CLSTN2: variants seen among roughly 807,000 people sequenced by gnomAD.
The protein encoded by CLSTN2 is calsyntenin-2.
Under a neutral mutation model 101.2 loss-of-function variants are expected in CLSTN2, and 48 were observed. The observed-to-expected ratio is 0.47, with a 90% CI of 0.38 to 0.60. The LOEUF is 0.60. Ranked by LOEUF, CLSTN2 falls within the 20% of genes least tolerant of loss-of-function variation. The pLI is 0.00. For synonymous variants in CLSTN2, 481 were observed against 463.6 expected, an observed-to-expected ratio of 1.04 and a Z score of -0.48; for missense variants, 1,160 against 1,238.2, an observed-to-expected ratio of 0.94 and a Z score of 0.95.
At chr3:140,428,405 C>T (rs1011220399) in intron 5 of CLSTN2, among the ~76,000 whole-genome samples, 45 of 152,170 alleles carry the variant, frequency 3.0e-4, no homozygotes, top group Non-Finnish European at 2.4e-4. Context: ...ATTTCACTAT[C>T]CCTTTATGCA....
chr3:140,352,082 C>A (rs1229765526), intron 2 of CLSTN2, among the ~76,000 whole-genome samples: 1 of 152,184 alleles, frequency 6.6e-6, no homozygotes, highest in Non-Finnish European at 1.5e-5. Context: ...TTGAGCTAAT[C>A]TTCCTAAACC....
At chr3:140,131,470 T>C (rs1458816513) in intron 1 of CLSTN2, among the ~76,000 whole-genome samples, 1 of 152,212 alleles carries the variant, frequency 6.6e-6, no homozygotes, top group Non-Finnish European at 1.5e-5. Context: ...TCATTTTCTC[T>C]ATCATGACTT....
chr3:140,499,339 T>C (rs1392838200), intron 8 of CLSTN2, among the ~76,000 whole-genome samples: 2 of 152,166 alleles, frequency 1.3e-5, no homozygotes, highest in African/African-American at 4.8e-5. Flanking sequence ...ATAAAAATAA[T>C]CTACCTTTCT....
intron 1 of CLSTN2, among the ~76,000 whole-genome samples, chr3:140,003,908 G>A (rs545282695): frequency 3.9e-5 from 6 of 152,196 alleles, no homozygotes; most frequent in South Asian, 2.1e-4. Context: ...GATTATCCAT[G>A]AGTCCATTTC....
At chr3:140,215,667 G>A (rs1245551862) in intron 2 of CLSTN2, among the ~76,000 whole-genome samples, 1 of 152,176 alleles carries the variant, frequency 6.6e-6, no homozygotes, top group African/African-American at 2.4e-5. Context: ...ATAGTGGAGA[G>A]AGTCAGTAGA....
At chr3:140,511,367 C>T (rs1015730160) in intron 8 of CLSTN2, among the ~76,000 whole-genome samples, 1 of 151,952 alleles carries the variant, frequency 6.6e-6, no homozygotes, top group Admixed American at 6.6e-5. Flanking sequence ...GATTAATATT[C>T]GTTTGAGTAC....
chr3:140,390,047 T>C lies in CLSTN2; in HGVS notation c.233-13582T>C, dbSNP rs553805720. On this transcript the variant is annotated intron_variant, in intron 2 of 16. Transcript: ENST00000458420. ...TTTTGAATGTGATAGAATTCACCAA[T>C]GAAGCCATCTGGGCCTGGACTTTTC... Among the ~76,000 whole-genome samples, 11 of 151,180 alleles carry C rather than the reference T, an allele frequency of 7.3e-5. 1 individual carries two copies. The East Asian group carries it at 9.8e-4, about 13-fold the overall frequency.
intron 1 of CLSTN2, among the ~76,000 whole-genome samples, chr3:140,150,265 A>T (rs907890201): frequency 6.6e-6 from 1 of 152,216 alleles, no homozygotes; most frequent in Non-Finnish European, 1.5e-5. Context: ...TTGCACAGTG[A>T]TAGAAGCATA....
intron 4 of CLSTN2, among the ~76,000 whole-genome samples, chr3:140,415,502 A>C (rs991478470): frequency 3.3e-5 from 5 of 151,180 alleles, no homozygotes; most frequent in Admixed American, 6.6e-5. Flanking sequence ...AAAAAAAAAA[A>C]AAAAAAAACA....
At chr3:140,166,946 G>A (rs927267839) in intron 1 of CLSTN2, among the ~76,000 whole-genome samples, 8 of 152,160 alleles carry the variant, frequency 5.3e-5, no homozygotes, top group Non-Finnish European at 7.3e-5. Context: ...CAAATGAAGC[G>A]AAGCATGAGC....
At chr3:140,228,759 C>T (rs1311110739) in intron 2 of CLSTN2, among the ~76,000 whole-genome samples, 3 of 152,268 alleles carry the variant, frequency 2.0e-5, no homozygotes, top group African/African-American at 7.2e-5. Flanking sequence ...TGGCTGCAGG[C>T]AGAGAGAGTT....
chr3:140,105,598 T>A (rs1487584691), intron 1 of CLSTN2, among the ~76,000 whole-genome samples: 1 of 152,166 alleles, frequency 6.6e-6, no homozygotes, highest in African/African-American at 2.4e-5. Context: ...TTACTAAGCA[T>A]CTAATCTATG....
At chr3:140,443,322 G>A (rs1036929454) in intron 5 of CLSTN2, among the ~76,000 whole-genome samples, 6 of 152,222 alleles carry the variant, frequency 3.9e-5, no homozygotes, top group South Asian at 2.1e-4. Flanking sequence ...TGGACGGAAC[G>A]TCTTAGATTA....
chr3:140,454,447 G>A (rs1933344357), intron 6 of CLSTN2: 1 of 152,088 alleles, frequency 6.6e-6, no homozygotes, highest in African/African-American at 2.4e-5. Context: ...TTTTATTGTG[G>A]GATCAATAGT....
At chr3:140,424,358 C>T (rs1456795092) in intron 5 of CLSTN2, among the ~76,000 whole-genome samples, 1 of 152,240 alleles carries the variant, frequency 6.6e-6, no homozygotes, top group African/African-American at 2.4e-5. Flanking sequence ...TTCTAGCATT[C>T]CTGTCCCAGC....
At chr3:140,201,927 G>T (rs778180301) in intron 2 of CLSTN2, among the ~76,000 whole-genome samples, 1 of 152,164 alleles carries the variant, frequency 6.6e-6, no homozygotes, top group South Asian at 2.1e-4. Flanking sequence ...TAGTGTCAGG[G>T]TTTGCTTGAC....
At chr3:140,122,105 T>C (rs953352876) in intron 1 of CLSTN2, among the ~76,000 whole-genome samples, 1 of 152,212 alleles carries the variant, frequency 6.6e-6, no homozygotes, top group Admixed American at 6.5e-5. Flanking sequence ...TATCTCCCCA[T>C]GGTCTCTCTC....
chr3:139,941,435 C>T (rs1935125998), intron 1 of CLSTN2, among the ~76,000 whole-genome samples: 1 of 152,196 alleles, frequency 6.6e-6, no homozygotes, highest in African/African-American at 2.4e-5. Flanking sequence ...CTGTTATTCT[C>T]TGTGAGGGGA....
chr3:140,266,284 G>A (rs924397973), intron 2 of CLSTN2, among the ~76,000 whole-genome samples: 6 of 152,108 alleles, frequency 3.9e-5, no homozygotes, highest in South Asian at 4.1e-4. Context: ...AAGCATAAAT[G>A]AGCAGAAAAT....
Sources: gnomAD v4.1 joint callset for allele counts (sites outside exome capture counted in the v4.1 genomes callset) on GRCh38, gnomAD v4.1.1 for gene constraint, MANE v1.5 for transcripts, NCBI Gene and HGNC (gene_info 2026-07-23, HGNC 2026-07-21) for gene names.